Variants in LONP2 observed in about 807,000 individuals in gnomAD.
LONP2 encodes the protein lon protease homolog 2, peroxisomal.
A neutral mutation model predicts 85.6 loss-of-function variants in LONP2; 60 were observed. The observed-to-expected ratio is 0.70, with a 90% CI of 0.57 to 0.87. The LOEUF (loss-of-function observed/expected upper bound fraction) is 0.87, where lower values mean the gene tolerates loss of function less well. Ranked by LOEUF, LONP2 falls within the 40% of genes least tolerant of loss-of-function variation. The pLI, the probability that LONP2 is intolerant of heterozygous loss-of-function variation, is 0.00. For synonymous variants in LONP2, 395 were observed against 389.7 expected, an observed-to-expected ratio of 1.01 and a Z score of -0.16; for missense variants, 860 against 1,063.5, an observed-to-expected ratio of 0.81 and a Z score of 2.66.
chr16:48,340,041 AC>A (rs1257327498), intron 12 of LONP2, among the ~76,000 whole-genome samples: 1 of 152,206 alleles, frequency 6.6e-6, no homozygotes, highest in African/African-American at 2.4e-5. Flanking sequence ...CACTGAAGAC[AC>A]CCAGGGTGAT....
At chr16:48,311,810 G>A (rs1279312123) in intron 11 of LONP2, among the ~76,000 whole-genome samples, 1 of 152,032 alleles carries the variant, frequency 6.6e-6, no homozygotes, top group Non-Finnish European at 1.5e-5. Flanking sequence ...TGTAGAGATG[G>A]AGGGTTATAC....
chr16:48,313,734 C>T (rs112761750), intron 11 of LONP2, among the ~76,000 whole-genome samples: 2,406 of 152,140 alleles, frequency 0.016, 54 homozygotes, highest in African/African-American at 0.053. Context: ...GTCATTGATG[C>T]GCATTTGGGT....
chr16:48,313,330 A>C (rs951880495), intron 11 of LONP2, among the ~76,000 whole-genome samples: 1 of 152,010 alleles, frequency 6.6e-6, no homozygotes, highest in African/African-American at 2.4e-5. Flanking sequence ...TTTTTTCTTC[A>C]GCTTTTAAGT....
At chr16:48,315,822 A>AT (rs149899096) in intron 11 of LONP2, among the ~76,000 whole-genome samples, 3,251 of 141,248 alleles carry the variant, frequency 0.023, 119 homozygotes, top group African/African-American at 0.079. Flanking sequence ...CCTCCTTTCT[A>AT]TTTTTTTTTT....
At chr16:48,313,413 A>G (rs1490556627) in intron 11 of LONP2, among the ~76,000 whole-genome samples, 2 of 152,028 alleles carry the variant, frequency 1.3e-5, no homozygotes, top group Non-Finnish European at 2.9e-5. Context: ...TGCTGCACAG[A>G]TAATCCATCA....
At chr16:48,298,626 G>GGGGTGTGTGTGTGT (rs565121093) in intron 9 of LONP2, among the ~76,000 whole-genome samples, 111 of 134,390 alleles carry the variant, frequency 8.3e-4, no homozygotes, top group African/African-American at 1.9e-3. Context: ...ATTTAATTGA[G>GGGGTGTGTGTGTGT]GTGTGTGTGT....
chr16:48,274,682 A>AC (rs1444145896), intron 7 of LONP2, among the ~76,000 whole-genome samples: 1 of 151,850 alleles, frequency 6.6e-6, no homozygotes, highest in Non-Finnish European at 1.5e-5. Flanking sequence ...CCACACCCAC[A>AC]CATCCACACA....
rs576409101 is a variant in LONP2, at chr16:48,278,934, C to T, written c.1383+1455C>T. ...TTAGTCTCCACTTTTATGTTTTGCT[C>T]TACTTTCTGTGCAGACTTTCTCAGA... is the stretch of plus-strand genomic sequence containing the variant. On this transcript the variant is annotated intron_variant, in intron 8 of 14. Transcript: ENST00000285737. 2.6e-3 allele frequency among the ~76,000 whole-genome samples: 395 copies of T among 152,156 alleles called. 1 individual carries two copies. Among genetic ancestry groups the T allele is most frequent in the African/African-American group, 9.3e-3 (388 of 41,542 alleles).
intron 8 of LONP2, 88 bp from the exon 9 acceptor site, chr16:48,295,927 T>G: frequency 8.1e-7 from 1 of 1,237,382 alleles, no homozygotes; most frequent in Non-Finnish European, 1.2e-6. Context: ...AATACCAACC[T>G]TGCCAGTACA....
intron 2 of LONP2, among the ~76,000 whole-genome samples, chr16:48,254,158 A>C (rs1185391003): frequency 6.6e-6 from 1 of 152,176 alleles, no homozygotes. Context: ...TTTAATGGCT[A>C]TAGGATGGAC....
chr16:48,319,692 G>A (rs1220194680), intron 11 of LONP2, among the ~76,000 whole-genome samples: 1 of 152,078 alleles, frequency 6.6e-6, no homozygotes, highest in African/African-American at 2.4e-5. Context: ...GAGAAGCAGG[G>A]AGAGTAAGAA....
intron 11 of LONP2, among the ~76,000 whole-genome samples, chr16:48,328,675 CAAAA>C (rs964534755): frequency 4.4e-5 from 3 of 67,656 alleles, no homozygotes; most frequent in African/African-American, 5.6e-5. Context: ...GACTCCGTCT[CAAAA>C]AAAAAAAAAA....
intron 5 of LONP2, 135 bp downstream of exon 5, chr16:48,261,722 A>G (rs572941439): frequency 5.4e-5 from 32 of 596,000 alleles, no homozygotes; most frequent in East Asian, 2.6e-4. Context: ...CTGTCAGGCA[A>G]TATAACTCTT....
intron 1 of LONP2, among the ~76,000 whole-genome samples, chr16:48,250,252 G>C (rs879606634): frequency 6.6e-6 from 1 of 151,874 alleles, no homozygotes; most frequent in Non-Finnish European, 1.5e-5. Flanking sequence ...GGAGGCCAAG[G>C]TGGGCGAATC....
At chr16:48,290,774 G>C (rs991947912) in intron 8 of LONP2, among the ~76,000 whole-genome samples, 5 of 152,150 alleles carry the variant, frequency 3.3e-5, no homozygotes, top group African/African-American at 1.2e-4. Flanking sequence ...TGGAGGCCTT[G>C]TCACATAGGC....
chr16:48,349,717 A>C (rs546506071), intron 14 of LONP2, among the ~76,000 whole-genome samples: 1 of 152,356 alleles, frequency 6.6e-6, no homozygotes, highest in South Asian at 2.1e-4. Flanking sequence ...TCAGGAAAAA[A>C]CTATAGTGAA....
At position 48,305,126 on chromosome 16, in the gene LONP2, G is replaced by A. The variant is rs985939327; in HGVS notation, c.1795+1821G>A. ...CTCACTGGTTCATTTTCTCCAGAGAGCGAAGCTCCTATCTTCTGTTGGATT... is the reference window on the plus strand; with the variant it reads ...CTCACTGGTTCATTTTCTCCAGAGAACGAAGCTCCTATCTTCTGTTGGATT... On this transcript the variant is annotated intron_variant, in intron 11 of 14. Transcript: ENST00000285737. Among the ~76,000 whole-genome samples, 11 of 152,244 alleles carry A rather than the reference G, an allele frequency of 7.2e-5. 1 individual carries two copies. Among genetic ancestry groups the A allele is most frequent in the African/African-American group, 2.7e-4 (11 of 41,472 alleles).
At chr16:48,259,685 G>T (rs1368810223) in intron 4 of LONP2, among the ~76,000 whole-genome samples, 1 of 152,214 alleles carries the variant, frequency 6.6e-6, no homozygotes, top group Non-Finnish European at 1.5e-5. Flanking sequence ...TAGAGAAGGG[G>T]CAGTCAAGTA....
chr16:48,287,446 A>C (rs1375052760), intron 8 of LONP2, among the ~76,000 whole-genome samples: 7 of 152,242 alleles, frequency 4.6e-5, no homozygotes, highest in Admixed American at 4.6e-4. Context: ...CAGTGCTAAA[A>C]CAGTTGCCAC....
Sources: allele counts gnomAD v4.1 joint callset (sites outside exome capture counted in the v4.1 genomes callset), GRCh38; gene constraint gnomAD v4.1.1; transcripts MANE v1.5; gene names NCBI Gene and HGNC (gene_info 2026-07-23, HGNC 2026-07-21).